TBC1D22B: variants seen among roughly 807,000 people sequenced by gnomAD.
TBC1D22B encodes chromosome 6 open reading frame 197.
A neutral mutation model predicts 69.1 loss-of-function variants in TBC1D22B; 32 were observed. The ratio of observed to expected loss-of-function variants is 0.46; its 90% CI spans 0.35 to 0.62. TBC1D22B has a LOEUF of 0.62. TBC1D22B is among the 20% of genes least tolerant of loss of function. The probability of loss-of-function intolerance (pLI) is 0.00; values close to 1 mark genes in which losing one functional copy is unlikely to be tolerated. For missense variants in TBC1D22B, 462 were observed against 630.9 expected (o/e 0.73, Z 2.87); for synonymous variants, 206 against 229.8 (o/e 0.90, Z 0.94).
rs572322102 is a variant in TBC1D22B at position 37,290,207 on chromosome 6, A to G, written c.868-1036A>G. ...TGAGAGGGCCTCTTCAATCTGATGC[A>G]GTGGTGACTGGCTGAGATTCTCCCA... On this transcript the variant is annotated intron_variant, in intron 7 of 12. Transcript: ENST00000373491. 3.3e-5 allele frequency among the ~76,000 whole-genome samples: 5 copies of G among 152,234 alleles called. No individual in the cohort carries two copies. In the East Asian group the frequency reaches 7.7e-4, roughly 23 times the overall value.
rs769836271 is a variant in TBC1D22B at position 37,282,084 on chromosome 6, C to T, written c.422-101C>T. ...CAGACAGTGCACACAGGCAGCCACA[C>T]CCTTGGGGAGGAAACACAATGCTGA... On this transcript the variant is annotated intron_variant, in intron 3 of 12. Transcript: ENST00000373491. The T allele has an allele frequency of 1.2e-5, 17 of 1,383,718 alleles. 1 individual carries two copies. The highest frequency in any genetic ancestry group is 9.7e-5 in the South Asian group (8 of 82,256). 85.7% of individuals were successfully genotyped at this position (1,383,718 alleles called of 1,614,324 possible).
chr6:37,275,949 C>A (rs1470174000), intron 2 of TBC1D22B, among the ~76,000 whole-genome samples: 5 of 148,590 alleles, frequency 3.4e-5, no homozygotes, highest in Non-Finnish European at 5.9e-5. Context: ...TTTGCTGTTT[C>A]ATTCTTTTCT....
intron 8 of TBC1D22B, among the ~76,000 whole-genome samples, chr6:37,296,079 T>A (rs1173661429): frequency 1.3e-5 from 2 of 152,124 alleles, no homozygotes; most frequent in Admixed American, 1.3e-4. Flanking sequence ...AGATGATTGT[T>A]AGCACTTTTT....
Position 37,282,952 on chromosome 6 carries a change from G to A in TBC1D22B, c.672G>A (p.Ser224=), listed in dbSNP as rs917165951. 1.2e-6 allele frequency: 2 copies of A among 1,613,506 alleles called. No homozygotes were observed. The highest frequency in any genetic ancestry group is 2.2e-5 in the East Asian group (1 of 44,864). The change falls in exon 5 of 13, where the codon TCG becomes TCA. Residue 224 remains serine (S), a splice_region_variant and synonymous_variant. Transcript: ENST00000373491. ...EVRPITWRLL[S]GYLPANTERR... ...GACCTATAACCTGGAGACTCCTGTC[G>A]GTGAGTTCTACCCACTGTGTAGAGA...
intron 12 of TBC1D22B, among the ~76,000 whole-genome samples, chr6:37,326,375 T>TGA (rs1462967741): frequency 1.7e-4 from 5 of 28,988 alleles, no homozygotes; most frequent in Non-Finnish European, 2.7e-4. Flanking sequence ...AGACTGCGCC[T>TGA]CAAAAAAAAA....
chr6:37,300,036 A>T (rs195754), intron 8 of TBC1D22B, among the ~76,000 whole-genome samples: 125,009 of 149,354 alleles, frequency 0.84, 52,665 homozygotes, highest in South Asian at 0.91. Flanking sequence ...GATTACAAAA[A>T]TACTCTCCCG....
chr6:37,319,856 T>C lies in TBC1D22B; in HGVS notation c.1389+2650T>C, dbSNP rs138673187. Among the ~76,000 whole-genome samples, 5 of 152,286 alleles carry C rather than the reference T, an allele frequency of 3.3e-5. No individual in the cohort carries two copies. The East Asian group carries it at 9.6e-4, about 29-fold the overall frequency. On this transcript the variant is annotated intron_variant, in intron 12 of 12. Transcript: ENST00000373491. ...GTGTGAGGAACAAGGGCACAAAGCA[T>C]TGTGTAAGGTTGTGAACTGTTGGGT...
chr6:37,281,720 A>G, intron 3 of TBC1D22B, among the ~76,000 whole-genome samples: 1 of 152,124 alleles, frequency 6.6e-6, no homozygotes, highest in Admixed American at 6.5e-5. Flanking sequence ...ATCATTCCTT[A>G]TGTGCTCTGT....
chr6:37,304,919 A>G (rs1767664387), intron 8 of TBC1D22B, among the ~76,000 whole-genome samples: 2 of 152,240 alleles, frequency 1.3e-5, no homozygotes, highest in South Asian at 2.1e-4. Flanking sequence ...GGGATGTGCC[A>G]TGCTGGCAAG....
intron 1 of TBC1D22B, among the ~76,000 whole-genome samples, chr6:37,263,710 A>G (rs1385242863): frequency 6.6e-6 from 1 of 152,116 alleles, no homozygotes; most frequent in Admixed American, 6.5e-5. Context: ...TGGCCTCCCG[A>G]GTAGCTGGGA....
intron 1 of TBC1D22B, 159 bp downstream of exon 1, chr6:37,258,132 C>T: frequency 1.3e-6 from 1 of 797,236 alleles, no homozygotes; most frequent in Non-Finnish European, 1.9e-6. Flanking sequence ...GGCAGCGAAG[C>T]GAACAGCGAG....
At chr6:37,283,960 C>T (rs538857961) in intron 5 of TBC1D22B, among the ~76,000 whole-genome samples, 1 of 152,328 alleles carries the variant, frequency 6.6e-6, no homozygotes, top group Non-Finnish European at 1.5e-5. Context: ...CTGCATTTCT[C>T]AGAAGTATGG....
At chr6:37,314,571 C>A (rs1180580539) in intron 10 of TBC1D22B, among the ~76,000 whole-genome samples, 1 of 152,184 alleles carries the variant, frequency 6.6e-6, no homozygotes, top group Non-Finnish European at 1.5e-5. Context: ...AACGAAAGGA[C>A]AACTCAGGAA....
intron 1 of TBC1D22B, among the ~76,000 whole-genome samples, chr6:37,259,656 C>T (rs984415417): frequency 1.3e-5 from 2 of 152,208 alleles, no homozygotes; most frequent in East Asian, 3.9e-4. Flanking sequence ...TCAGTTTCTT[C>T]AAGTTTCTGG....
chr6:37,272,156 C>T (rs1766507506), intron 2 of TBC1D22B, among the ~76,000 whole-genome samples: 1 of 152,054 alleles, frequency 6.6e-6, no homozygotes, highest in Non-Finnish European at 1.5e-5. Context: ...CCTCCGCCTC[C>T]TGGGCTCAAG....
chr6:37,301,613 A>G (rs1767574530), intron 8 of TBC1D22B, among the ~76,000 whole-genome samples: 1 of 152,204 alleles, frequency 6.6e-6, no homozygotes, highest in African/African-American at 2.4e-5. Flanking sequence ...ATATGGATGT[A>G]CTACATCTTA....
At chr6:37,268,340 CG>C (rs1766371179) in intron 1 of TBC1D22B, among the ~76,000 whole-genome samples, 1 of 152,032 alleles carries the variant, frequency 6.6e-6, no homozygotes, top group African/African-American at 2.4e-5. Context: ...GCGATCCCCC[CG>C]TCTCAGCCTC....
intron 6 of TBC1D22B, among the ~76,000 whole-genome samples, chr6:37,285,315 C>CTTTTTTTTTTTTTTTTTTTT (rs756459599): frequency 2.7e-5 from 2 of 73,552 alleles, no homozygotes; most frequent in African/African-American, 1.2e-4. Flanking sequence ...TCCTTCCCCA[C>CTTTTTTTTTTTTTTTTTTTT]TTTTTTTTTT....
intron 8 of TBC1D22B, among the ~76,000 whole-genome samples, chr6:37,298,475 T>C (rs189601480): frequency 9.4e-4 from 143 of 152,210 alleles, no homozygotes; most frequent in Middle Eastern, 3.4e-3. Flanking sequence ...TTCCATTATT[T>C]CTATAACAAG....
Sources: allele counts gnomAD v4.1 joint callset (sites outside exome capture counted in the v4.1 genomes callset), GRCh38; gene constraint gnomAD v4.1.1; transcripts MANE v1.5; gene names NCBI Gene and HGNC (gene_info 2026-07-23, HGNC 2026-07-21).